Variants in CLSTN2 observed in about 807,000 individuals in gnomAD.
CLSTN2 encodes calsyntenin-2.
A neutral mutation model predicts 101.2 loss-of-function variants in CLSTN2; 48 were observed. The ratio of observed to expected loss-of-function variants is 0.47; its 90% CI spans 0.38 to 0.60. The LOEUF is 0.60. Ranked by LOEUF, CLSTN2 falls within the 20% of genes least tolerant of loss-of-function variation. The pLI, the probability that CLSTN2 is intolerant of heterozygous loss-of-function variation, is 0.00. For missense variants in CLSTN2, 1,160 were observed against 1,238.2 expected, an observed-to-expected ratio of 0.94 and a Z score of 0.95; for synonymous variants, 481 against 463.6, an observed-to-expected ratio of 1.04 and a Z score of -0.48.
chr3:140,025,441 C>T (rs2107757455), intron 1 of CLSTN2, among the ~76,000 whole-genome samples: 1 of 152,312 alleles, frequency 6.6e-6, no homozygotes, highest in African/African-American at 2.4e-5. Context: ...GTTGCTCATC[C>T]TGCCTGACCC....
At chr3:140,520,857 C>T (rs1269368368) in intron 8 of CLSTN2, among the ~76,000 whole-genome samples, 1 of 152,122 alleles carries the variant, frequency 6.6e-6, no homozygotes, top group Admixed American at 6.5e-5. Context: ...TCCATTCATT[C>T]CTTTTCATTC....
intron 8 of CLSTN2, among the ~76,000 whole-genome samples, chr3:140,525,994 C>A (rs1340863382): frequency 1.3e-5 from 2 of 152,060 alleles, no homozygotes; most frequent in Admixed American, 6.6e-5. Flanking sequence ...CCAAGAGGAA[C>A]CTTTCCCCTT....
At position 140,577,238 on chromosome 3, in the gene CLSTN2, T is replaced by A. The variant is rs1263803511; in HGVS notation, c.*10985T>A. The A allele has an allele frequency of 2.0e-5, 3 of 152,270 alleles. No individual in the cohort carries two copies. Among genetic ancestry groups the A allele is most frequent in the African/African-American group, 7.2e-5 (3 of 41,476 alleles). 9.4% of individuals were successfully genotyped at this position (152,270 alleles called of 1,614,324 possible). The stretch of plus-strand genomic sequence containing the variant: ...TTTAAATTTATAATAATTATGATTC[T>A]TGCAGTTTTCAAGTAATTTGTTAAA... On this transcript the variant is annotated 3_prime_UTR_variant, in exon 17 of 17. Coordinates refer to ENST00000458420, the MANE Select transcript of CLSTN2 (RefSeq NM_022131.3).
intron 1 of CLSTN2, among the ~76,000 whole-genome samples, chr3:140,006,789 T>A: frequency 6.6e-6 from 1 of 152,290 alleles, no homozygotes; most frequent in East Asian, 1.9e-4. Context: ...ATAAGTGCAG[T>A]GTCTGGTTTA....
At chr3:140,117,783 C>G (rs1442525356) in intron 1 of CLSTN2, among the ~76,000 whole-genome samples, 1 of 152,080 alleles carries the variant, frequency 6.6e-6, no homozygotes, top group Non-Finnish European at 1.5e-5. Context: ...GATGGGAAAA[C>G]CAGGGAGGCA....
rs891574500 is a variant in CLSTN2, at chr3:140,245,734, T to C, written c.232+69661T>C. 4.6e-5 allele frequency among the ~76,000 whole-genome samples: 7 copies of C among 152,192 alleles called. 1 individual carries two copies. The highest frequency in any genetic ancestry group is 1.7e-4 in the African/African-American group (7 of 41,456). On this transcript the variant is annotated intron_variant, in intron 2 of 16. Transcript: ENST00000458420. The stretch of plus-strand genomic sequence containing the variant: ...AGATCACAATAAGTAGATCTTTCCC[T>C]TCTCTAAAGTCAGTATATTTCTGTT...
At chr3:140,315,714 A>G (rs558631218) in intron 2 of CLSTN2, among the ~76,000 whole-genome samples, 1 of 152,288 alleles carries the variant, frequency 6.6e-6, no homozygotes, top group Admixed American at 6.5e-5. Context: ...TCCCTCTAGC[A>G]ATTTGTCTTC....
intron 2 of CLSTN2, among the ~76,000 whole-genome samples, chr3:140,346,457 C>T (rs995208331): frequency 8.5e-5 from 13 of 152,152 alleles, no homozygotes; most frequent in African/African-American, 2.7e-4. Context: ...TGTAACTATA[C>T]CCTGTTCTGA....
intron 2 of CLSTN2, among the ~76,000 whole-genome samples, chr3:140,259,238 C>T (rs2086629075): frequency 6.6e-6 from 1 of 150,946 alleles, no homozygotes; most frequent in South Asian, 2.1e-4. Context: ...CTCTGGGAGG[C>T]CAAGGCGGGT....
chr3:140,062,887 A>G (rs2008230789), intron 1 of CLSTN2, among the ~76,000 whole-genome samples: 1 of 152,150 alleles, frequency 6.6e-6, no homozygotes, highest in African/African-American at 2.4e-5. Context: ...GCCCCTATGT[A>G]CATTATCTCA....
intron 2 of CLSTN2, among the ~76,000 whole-genome samples, chr3:140,207,124 C>T (rs1301507472): frequency 2.0e-5 from 3 of 152,178 alleles, no homozygotes; most frequent in Non-Finnish European, 4.4e-5. Context: ...CCATCAGAGC[C>T]AACCTATCAC....
intron 1 of CLSTN2, among the ~76,000 whole-genome samples, chr3:139,982,318 A>G (rs1159891271): frequency 6.6e-6 from 1 of 151,980 alleles, no homozygotes; most frequent in Admixed American, 6.6e-5. Flanking sequence ...ATTTAAATAT[A>G]TTTATACTTG....
chr3:140,405,866 A>G (rs576808200), intron 4 of CLSTN2, among the ~76,000 whole-genome samples: 3 of 152,346 alleles, frequency 2.0e-5, no homozygotes, highest in East Asian at 3.9e-4. Flanking sequence ...CTTTGTTTCC[A>G]ATAAGATTTA....
chr3:140,533,328 T>G (rs545773752), intron 9 of CLSTN2, among the ~76,000 whole-genome samples: 220 of 152,276 alleles, frequency 1.4e-3, no homozygotes, highest in African/African-American at 5.1e-3. Flanking sequence ...TGGCACAACC[T>G]TGTGTTGATG....
At chr3:140,003,713 G>A (rs2006895164) in intron 1 of CLSTN2, among the ~76,000 whole-genome samples, 2 of 152,092 alleles carry the variant, frequency 1.3e-5, no homozygotes, top group Admixed American at 1.3e-4. Context: ...TCTATACCAA[G>A]TTTTTTGAGA....
chr3:140,527,953 C>A (rs1033068002), intron 8 of CLSTN2, among the ~76,000 whole-genome samples: 1 of 152,064 alleles, frequency 6.6e-6, no homozygotes, highest in East Asian at 1.9e-4. Context: ...GGTTGAAAAA[C>A]CACCTATTGA....
chr3:140,196,883 T>G (rs1473320398), intron 2 of CLSTN2, among the ~76,000 whole-genome samples: 1 of 152,200 alleles, frequency 6.6e-6, no homozygotes, highest in African/African-American at 2.4e-5. Flanking sequence ...ACCTAGGCCT[T>G]TTCTGTCCCC....
intron 1 of CLSTN2, among the ~76,000 whole-genome samples, chr3:140,173,302 A>G (rs2107827324): frequency 1.3e-5 from 2 of 152,324 alleles, no homozygotes; most frequent in East Asian, 1.9e-4. Context: ...TTTTGACTCC[A>G]TGTCTCATAT....
At chr3:140,366,420 CATGAAATATTTAGAAAGAA>C (rs1248333824) in intron 2 of CLSTN2, among the ~76,000 whole-genome samples, 1 of 152,194 alleles carries the variant, frequency 6.6e-6, no homozygotes, top group Non-Finnish European at 1.5e-5. Flanking sequence ...AGAAAGCAGG[CATGAAATATTTAGAAAGAA>C]AAATATGTCA....
Sources: gnomAD v4.1 joint callset for allele counts (sites outside exome capture counted in the v4.1 genomes callset) on GRCh38, gnomAD v4.1.1 for gene constraint, MANE v1.5 for transcripts, NCBI Gene and HGNC (gene_info 2026-07-23, HGNC 2026-07-21) for gene names.